The following GRHL2 variants were observed in gnomAD, a reference collection of about 807,000 sequenced individuals.
The protein encoded by GRHL2 is grainyhead like transcription factor 2, also known as grainyhead-like protein 2 homolog.
A neutral mutation model predicts 83.8 loss-of-function variants in GRHL2; 21 were observed. That is an observed-to-expected ratio of 0.25 (90% CI 0.18 to 0.36). The LOEUF is 0.36. Ranked by LOEUF, GRHL2 falls within the 10% of genes least tolerant of loss-of-function variation. GRHL2 has a pLI of 1.00. For missense variants in GRHL2, 623 were observed against 781.8 expected, an observed-to-expected ratio of 0.80 and a Z score of 2.42; for synonymous variants, 280 against 278.9, an observed-to-expected ratio of 1.00 and a Z score of -0.04.
intron 1 of GRHL2, among the ~76,000 whole-genome samples, chr8:101,522,408 G>A (rs1810703837): frequency 6.6e-6 from 1 of 152,158 alleles, no homozygotes. Flanking sequence ...GGATGTGCAT[G>A]GGTTATATAC....
chr8:101,635,920 A>C (rs116110383), intron 11 of GRHL2, among the ~76,000 whole-genome samples: 2 of 152,086 alleles, frequency 1.3e-5, no homozygotes, highest in African/African-American at 2.4e-5. Context: ...CCTTTGAGAG[A>C]GTTTGCAGGG....
At chr8:101,540,615 AGT>A (rs751224844) in intron 1 of GRHL2, among the ~76,000 whole-genome samples, 1 of 152,096 alleles carries the variant, frequency 6.6e-6, no homozygotes, top group Non-Finnish European at 1.5e-5. Flanking sequence ...TACCAATGTC[AGT>A]GTCTTTTTTT....
chr8:101,631,828 T>C, intron 10 of GRHL2, 104 bp downstream of exon 10: 1 of 907,026 alleles, frequency 1.1e-6, no homozygotes, highest in Non-Finnish European at 1.8e-6. Flanking sequence ...ACTGCATACA[T>C]GCAAGGCATG....
At chr8:101,556,692 A>G (rs2130169386) in intron 3 of GRHL2, among the ~76,000 whole-genome samples, 1 of 152,328 alleles carries the variant, frequency 6.6e-6, no homozygotes, top group Non-Finnish European at 1.5e-5. Context: ...CCCCCAAAGG[A>G]ATTCAGTGCT....
chr8:101,657,579 G>A (rs1482821455), intron 14 of GRHL2, among the ~76,000 whole-genome samples: 4 of 152,146 alleles, frequency 2.6e-5, no homozygotes, highest in African/African-American at 4.8e-5. Flanking sequence ...AGTGGCTCAC[G>A]CCTGTAATCC....
At chr8:101,607,755 A>G (rs1405322073) in intron 8 of GRHL2, among the ~76,000 whole-genome samples, 3 of 152,190 alleles carry the variant, frequency 2.0e-5, no homozygotes, top group African/African-American at 7.2e-5. Flanking sequence ...GGAAGCCTTA[A>G]AGGAGAAAAG....
downstream of GRHL2, among the ~76,000 whole-genome samples, chr8:101,672,184 G>A (rs4734580): frequency 0.27 from 40,540 of 151,522 alleles, 6,221 homozygotes; most frequent in African/African-American, 0.36. Context: ...CTCATCAGCA[G>A]CGGAACAAAG....
intron 8 of GRHL2, among the ~76,000 whole-genome samples, chr8:101,619,165 A>G (rs1018369580): frequency 6.6e-6 from 1 of 152,128 alleles, no homozygotes; most frequent in Non-Finnish European, 1.5e-5. Flanking sequence ...AGGCAGGAGA[A>G]TGGCGTGAAC....
Position 101,564,560 on chromosome 8 carries a change from C to A in GRHL2, c.678+5748C>A, listed in dbSNP as rs189693442. Among the ~76,000 whole-genome samples the A allele has an allele frequency of 3.0e-4, 46 of 152,206 alleles. 1 individual carries two copies. In the East Asian group the frequency reaches 8.7e-3, roughly 29 times the overall value. ...GTGGCTTGTGCCTGTAATCCCAGCA[C>A]TTTGGGAGGCAGAGGCGGGAGGATC... On this transcript the variant is annotated intron_variant, in intron 4 of 15. Coordinates refer to ENST00000646743, the MANE Select transcript of GRHL2 (RefSeq NM_024915.4).
At chr8:101,566,625 A>G (rs1316402740) in intron 4 of GRHL2, among the ~76,000 whole-genome samples, 9 of 148,422 alleles carry the variant, frequency 6.1e-5, no homozygotes, top group Non-Finnish European at 1.5e-5. Flanking sequence ...ATATAATTAT[A>G]TTTATTATAT....
At chr8:101,526,525 C>CTTTT (rs33928032) in intron 1 of GRHL2, among the ~76,000 whole-genome samples, 45 of 109,626 alleles carry the variant, frequency 4.1e-4, no homozygotes, top group Non-Finnish European at 5.8e-4. Flanking sequence ...TCTTTTTTTC[C>CTTTT]TTTTTTTTTT....
chr8:101,509,211 G>C (rs1563556300), intron 1 of GRHL2, among the ~76,000 whole-genome samples: 55 of 7,578 alleles, frequency 7.3e-3, no homozygotes, highest in East Asian at 0.011. Context: ...CTTTCTTCTT[G>C]TGTGTGTGTG....
intron 1 of GRHL2, among the ~76,000 whole-genome samples, chr8:101,494,829 C>T (rs1810062035): frequency 6.6e-6 from 1 of 152,198 alleles, no homozygotes; most frequent in Non-Finnish European, 1.5e-5. Context: ...CTGGTTTTTA[C>T]AGGTGATAAG....
At chr8:101,586,065 C>CTTTTTTTTTTTTTTTTTTTTTTTTTTTTT (rs67985027) in intron 7 of GRHL2, among the ~76,000 whole-genome samples, 19 of 94,352 alleles carry the variant, frequency 2.0e-4, no homozygotes, top group Non-Finnish European at 2.9e-4. Flanking sequence ...CCTCATGTTT[C>CTTTTTTTTTTTTTTTTTTTTTTTTTTTTT]TTTTTTTTTT....
intron 1 of GRHL2, among the ~76,000 whole-genome samples, chr8:101,510,581 C>T (rs1810441436): frequency 6.6e-6 from 1 of 152,058 alleles, no homozygotes; most frequent in Non-Finnish European, 1.5e-5. Context: ...GAATGAATTT[C>T]TACAAGTAGA....
At chr8:101,659,820 G>A (rs1813879546) in intron 14 of GRHL2, among the ~76,000 whole-genome samples, 1 of 152,070 alleles carries the variant, frequency 6.6e-6, no homozygotes, top group South Asian at 2.1e-4. Flanking sequence ...CGCCAGATTT[G>A]GAAACAGCAT....
intron 11 of GRHL2, among the ~76,000 whole-genome samples, chr8:101,633,798 A>T (rs1813233669): frequency 6.6e-6 from 1 of 152,012 alleles, no homozygotes; most frequent in African/African-American, 2.4e-5. Flanking sequence ...ATGGGATTTT[A>T]TGGGGCTAGG....
intron 1 of GRHL2, chr8:101,528,957 C>A: frequency 6.4e-6 from 2 of 310,874 alleles, no homozygotes; most frequent in South Asian, 5.6e-5. Context: ...TTTACAAGCT[C>A]ACGGGTACAT....
intron 7 of GRHL2, among the ~76,000 whole-genome samples, chr8:101,592,546 C>T (rs1332191967): frequency 6.6e-6 from 1 of 152,214 alleles, no homozygotes; most frequent in East Asian, 1.9e-4. Context: ...GCCACATCAG[C>T]TCTACCTGAG....
Sources: allele counts gnomAD v4.1 joint callset (sites outside exome capture counted in the v4.1 genomes callset), GRCh38; gene constraint gnomAD v4.1.1; transcripts MANE v1.5; gene names NCBI Gene and HGNC (gene_info 2026-07-23, HGNC 2026-07-21).